EEA1: variants seen among roughly 807,000 people sequenced by gnomAD.
EEA1 encodes early endosome antigen 1, also known as early endosome antigen 1, 162kD.
EEA1 carries 111 observed loss-of-function variants against 209.2 expected under a neutral mutation model. The observed-to-expected ratio is 0.53, with a 90% CI of 0.45 to 0.62. The LOEUF (loss-of-function observed/expected upper bound fraction) is 0.62, where lower values mean the gene tolerates loss of function less well. EEA1 is among the 20% of genes least tolerant of loss of function. The probability of loss-of-function intolerance (pLI) is 0.00; values close to 1 mark genes in which losing one functional copy is unlikely to be tolerated. For synonymous variants in EEA1, 536 were observed against 540.6 expected (o/e 0.99, Z 0.12); for missense variants, 1,343 against 1,530.8 (o/e 0.88, Z 2.05).
At chr12:92,831,959 C>A (rs560969275) in intron 11 of EEA1, among the ~76,000 whole-genome samples, 1 of 150,726 alleles carries the variant, frequency 6.6e-6, no homozygotes, top group African/African-American at 2.4e-5. Context: ...CGGTGGCGGG[C>A]GCCTGTAGTC....
chr12:92,799,928 C>T (rs1448195846), intron 20 of EEA1, among the ~76,000 whole-genome samples: 1 of 152,066 alleles, frequency 6.6e-6, no homozygotes, highest in Non-Finnish European at 1.5e-5. Context: ...TGTCTGATGA[C>T]ATTAAATTAC....
chr12:92,777,753 T>C, intron 26 of EEA1, 90 bp from the exon 27 acceptor site: 1 of 1,359,820 alleles, frequency 7.4e-7, no homozygotes, highest in Non-Finnish European at 9.9e-7. Flanking sequence ...TTTAGTAATT[T>C]AAAATATATG....
At chr12:92,854,615 T>G (rs921556850) in intron 5 of EEA1, among the ~76,000 whole-genome samples, 12 of 152,226 alleles carry the variant, frequency 7.9e-5, no homozygotes, top group African/African-American at 2.9e-4. Context: ...CAGGCTGCAC[T>G]TTTTCAGCTG....
At chr12:92,811,073 T>C (rs1875472882) in intron 17 of EEA1, among the ~76,000 whole-genome samples, 1 of 152,098 alleles carries the variant, frequency 6.6e-6, no homozygotes, top group African/African-American at 2.4e-5. Flanking sequence ...CTGTCATTTA[T>C]AAAAGATGCT....
At chr12:92,851,057 T>C in intron 9 of EEA1, 54 bp downstream of exon 9, 2 of 1,560,828 alleles carry the variant, frequency 1.3e-6, no homozygotes, top group Non-Finnish European at 1.7e-6. Flanking sequence ...CACTCAATAG[T>C]ATACACTACA....
intron 1 of EEA1, among the ~76,000 whole-genome samples, chr12:92,917,525 T>C (rs1175993725): frequency 2.0e-5 from 3 of 149,514 alleles, no homozygotes; most frequent in African/African-American, 7.3e-5. Flanking sequence ...AATAAAATAC[T>C]TTACAGACAA....
intron 1 of EEA1, among the ~76,000 whole-genome samples, chr12:92,922,301 A>G (rs1253406428): frequency 1.3e-5 from 2 of 152,150 alleles, no homozygotes; most frequent in Non-Finnish European, 2.9e-5. Flanking sequence ...ACAGCTACCC[A>G]AACTACTCAC....
At chr12:92,825,276 C>T (rs553763250) in intron 13 of EEA1, among the ~76,000 whole-genome samples, 2 of 152,034 alleles carry the variant, frequency 1.3e-5, no homozygotes, top group Non-Finnish European at 2.9e-5. Flanking sequence ...ACGGTGAAAC[C>T]CCATCTCTAC....
chr12:92,833,932 G>T (rs1876786682), intron 10 of EEA1, among the ~76,000 whole-genome samples: 1 of 152,098 alleles, frequency 6.6e-6, no homozygotes, highest in South Asian at 2.1e-4. Flanking sequence ...AGCTAGTTAA[G>T]ATCATCTAAA....
chr12:92,787,007 T>C (rs1325932488), intron 22 of EEA1, among the ~76,000 whole-genome samples: 1 of 152,108 alleles, frequency 6.6e-6, no homozygotes, highest in Admixed American at 6.6e-5. Flanking sequence ...TTCTCCGGAG[T>C]CTCTGTGTAT....
intron 2 of EEA1, among the ~76,000 whole-genome samples, chr12:92,885,907 A>C (rs1879361162): frequency 6.6e-6 from 1 of 152,214 alleles, no homozygotes; most frequent in African/African-American, 2.4e-5. Flanking sequence ...GAACATCGAC[A>C]TAGCCCACAA....
Position 92,813,044 on chromosome 12 carries a change from G to A in EEA1, c.1979C>T (p.Ala660Val), listed in dbSNP as rs1199599041. ...ATGATTCTGAAGATCAGCTCTTTGA[G>A]CAGTTTTTGCTGCTTCTGCTGATAG... ...LLLSAEAAKT[A>V]QRADLQNHLD... is the part of the protein sequence containing the mutation. The change falls in exon 16 of 29, where the codon GCT (alanine) becomes GTT (valine). Residue 660 changes from alanine to valine, a missense_variant. Physicochemically the swap from Ala to Val is moderately conservative, Grantham distance 64. Coordinates refer to ENST00000322349, the MANE Select transcript of EEA1 (RefSeq NM_003566.4). The A allele has an allele frequency of 6.3e-7, 1 of 1,599,258 alleles. No homozygotes were observed. Among genetic ancestry groups the A allele is most frequent in the Non-Finnish European group, 8.5e-7 (1 of 1,169,832 alleles).
intron 10 of EEA1, among the ~76,000 whole-genome samples, chr12:92,835,053 T>C (rs1313114276): frequency 6.6e-6 from 1 of 150,904 alleles, no homozygotes; most frequent in African/African-American, 2.4e-5. Flanking sequence ...GCTAATTTTC[T>C]TGTATTTTTA....
chr12:92,859,240 T>C (rs1878024133), intron 3 of EEA1: 1 of 1,612,162 alleles, frequency 6.2e-7, no homozygotes, highest in African/African-American at 1.3e-5. Flanking sequence ...TAGGGACAGC[T>C]TCCCATGGGA....
intron 22 of EEA1, among the ~76,000 whole-genome samples, chr12:92,785,513 T>C (rs1874092727): frequency 2.0e-5 from 3 of 152,206 alleles, no homozygotes; most frequent in African/African-American, 7.2e-5. Flanking sequence ...CTTATCCTAG[T>C]CTATAAATAT....
intron 2 of EEA1, among the ~76,000 whole-genome samples, chr12:92,889,154 A>T (rs1486691626): frequency 1.3e-5 from 2 of 150,262 alleles, no homozygotes; most frequent in Admixed American, 6.6e-5. Flanking sequence ...TCTCAAAAAC[A>T]TTAAAAAAAA....
At chr12:92,812,605 T>C (rs932962149) in intron 16 of EEA1, among the ~76,000 whole-genome samples, 2 of 152,142 alleles carry the variant, frequency 1.3e-5, no homozygotes, top group Non-Finnish European at 2.9e-5. Context: ...CATGGTCCAG[T>C]CTACCTACTA....
At chr12:92,919,546 AC>A (rs1262346284) in intron 1 of EEA1, among the ~76,000 whole-genome samples, 13 of 149,800 alleles carry the variant, frequency 8.7e-5, no homozygotes, top group Admixed American at 2.7e-4. Flanking sequence ...AAATTCAACA[AC>A]CCTTCATGCT....
chr12:92,787,786 C>T, intron 22 of EEA1, 81 bp downstream of exon 22: 1 of 1,104,270 alleles, frequency 9.1e-7, no homozygotes. Flanking sequence ...CATTTCCTTG[C>T]CCATTTGGAT....
Sources: allele counts gnomAD v4.1 joint callset (sites outside exome capture counted in the v4.1 genomes callset), GRCh38; gene constraint gnomAD v4.1.1; transcripts MANE v1.5; gene names NCBI Gene and HGNC (gene_info 2026-07-23, HGNC 2026-07-21).